The following COMMD2 variants were observed in gnomAD, a reference collection of about 807,000 sequenced individuals.
COMMD2 encodes COMM domain-containing protein 2.
Under a neutral mutation model 22.5 loss-of-function variants are expected in COMMD2, and 25 were observed. The observed-to-expected ratio is 1.11, with a 90% CI of 0.81 to 1.55. COMMD2 has a LOEUF of 1.55. COMMD2 is among the 40% of genes most tolerant of loss of function. The probability of loss-of-function intolerance (pLI) is 0.00; values close to 1 mark genes in which losing one functional copy is unlikely to be tolerated. For synonymous variants in COMMD2, 98 were observed against 91.2 expected, an observed-to-expected ratio of 1.07 and a Z score of -0.42; for missense variants, 223 against 232.9, an observed-to-expected ratio of 0.96 and a Z score of 0.28.
chr3:149,747,831 C>A (rs1716420755), intron 4 of COMMD2, among the ~76,000 whole-genome samples: 1 of 151,656 alleles, frequency 6.6e-6, no homozygotes. Context: ...CACTGTAATC[C>A]CAATTACTCA....
In COMMD2 at chr3:149,741,701, G is replaced by C; in HGVS notation, c.420C>G (p.Leu140=). The C allele has an allele frequency of 4.3e-6, 7 of 1,613,694 alleles. No individual in the cohort carries two copies. Among genetic ancestry groups the C allele is most frequent in the Non-Finnish European group, 4.2e-6 (5 of 1,179,738 alleles). The change falls in exon 5 of 5, where the codon CTC becomes CTG. Residue 140 remains leucine (L), a synonymous_variant. Coordinates refer to ENST00000473414, the MANE Select transcript of COMMD2 (RefSeq NM_016094.4). The part of the protein sequence containing the change: ...RLDVQLASRS[L]RQQIKPAVTI... ...TCACTGCTGGTTTAATCTGTTGCCT[G>C]AGACTTCTACTTGCAAGCTTGATTT...
At chr3:149,747,039 G>A (rs1407134663) in intron 4 of COMMD2, among the ~76,000 whole-genome samples, 1 of 152,176 alleles carries the variant, frequency 6.6e-6, no homozygotes. Context: ...CCCTTGACAA[G>A]AGGGATTATT....
At chr3:149,750,455 T>C in intron 4 of COMMD2, 1 of 537,628 alleles carries the variant, frequency 1.9e-6, no homozygotes, top group Non-Finnish European at 3.4e-6. Flanking sequence ...CCATCTCCTT[T>C]TCGAAAATAA....
chr3:149,741,744 C>T (rs1282281379), intron 4 of COMMD2, 26 bp from the exon 5 acceptor site: 2 of 1,533,570 alleles, frequency 1.3e-6, no homozygotes, highest in Middle Eastern at 3.4e-4. Context: ...AATAAGAGCA[C>T]AGTAACTATT....
chr3:149,751,725 T>C (rs1018515843), intron 2 of COMMD2: 7 of 346,210 alleles, frequency 2.0e-5, no homozygotes, highest in Non-Finnish European at 3.1e-5. Context: ...ATCAGGTGCG[T>C]AGCCCTTCTC....
chr3:149,752,421 C>T lies in COMMD2; in HGVS notation c.24G>A (p.Glu8=), dbSNP rs772723007. Residue 8 remains glutamate, a synonymous_variant, in exon 1 of 5, where the codon GAG becomes GAA. Transcript: ENST00000473414. MLLELSE[E]HKEHLAFLPQ... Reference sequence around the variant, plus strand: ...GCAGGAAGGCCAGGTGTTCCTTATGCTCCTCGGACAATTCCAGCAGCATCT... The same window carrying T: ...GCAGGAAGGCCAGGTGTTCCTTATGTTCCTCGGACAATTCCAGCAGCATCT... 5 of 1,614,046 alleles carry T rather than the reference C, an allele frequency of 3.1e-6. No homozygotes were observed. The highest frequency in any genetic ancestry group is 3.3e-5 in the Admixed American group (2 of 59,992).
rs1716557873 is a variant in COMMD2, at chr3:149,752,362, C to T, written c.67+16G>A. On this transcript the variant is annotated intron_variant, in intron 1 of 4. Coordinates refer to ENST00000473414, the MANE Select transcript of COMMD2 (RefSeq NM_016094.4). The stretch of plus-strand genomic sequence containing the variant: ...TCCTCCCCAGCCCACAGAACACCGC[C>T]CCCACGCCCGCTGACCCGCGCTGTC... The T allele has an allele frequency of 6.2e-7, 1 of 1,614,160 alleles. No homozygotes were observed.
intron 4 of COMMD2, among the ~76,000 whole-genome samples, chr3:149,746,947 T>A (rs1284718575): frequency 1.3e-5 from 2 of 152,078 alleles, no homozygotes; most frequent in Non-Finnish European, 2.9e-5. Context: ...TATAAAACTA[T>A]CAGATCTTGT....
chr3:149,741,398 T>G lies in COMMD2; in HGVS notation c.*123A>C. On this transcript the variant is annotated 3_prime_UTR_variant, in exon 5 of 5. Coordinates refer to ENST00000473414, the MANE Select transcript of COMMD2 (RefSeq NM_016094.4). The stretch of plus-strand genomic sequence containing the variant: ...TGATTATGACCTCAGTATCTTGGAA[T>G]AGATACTGAGGAATACTATGTATTT... 2 of 791,264 alleles carry G rather than the reference T, an allele frequency of 2.5e-6. No individual in the cohort carries two copies. The highest frequency in any genetic ancestry group is 4.1e-6 in the Non-Finnish European group (2 of 490,108). The allele number at this position is 791,264 out of a possible 1,614,324, so 49.0% of individuals were successfully genotyped here.
At position 149,751,106 on chromosome 3, in the gene COMMD2, C is replaced by T. The variant is rs997936766; in HGVS notation, c.229-255G>A. Among the ~76,000 whole-genome samples the T allele has an allele frequency of 5.3e-5, 8 of 152,086 alleles. No homozygotes were observed. The South Asian group carries it at 1.2e-3, about 24-fold the overall frequency. On this transcript the variant is annotated intron_variant, in intron 3 of 4. Coordinates refer to ENST00000473414, the MANE Select transcript of COMMD2 (RefSeq NM_016094.4). ...TTCATCAAGCCAGATACTGCTGATA[C>T]GCAAACAAAATACTGATACAGTCTC...
chr3:149,745,269 C>A (rs1243714909), intron 4 of COMMD2, among the ~76,000 whole-genome samples: 1 of 152,210 alleles, frequency 6.6e-6, no homozygotes, highest in Non-Finnish European at 1.5e-5. Context: ...GCCGTATCTA[C>A]AGCACCTGGC....
rs1252296163 is a variant in COMMD2 at position 149,740,632 on chromosome 3, A to C, written c.*889T>G. ...ACAAAGAAAAATGAATAAACTGCCT[A>C]TAACAATATAGCATTAAAAATCCTA... On this transcript the variant is annotated 3_prime_UTR_variant, in exon 5 of 5. Transcript: ENST00000473414. 1 of 152,246 alleles carries C rather than the reference A, an allele frequency of 6.6e-6. No individual in the cohort carries two copies. Among genetic ancestry groups the C allele is most frequent in the Non-Finnish European group, 1.5e-5 (1 of 68,030 alleles). The allele number at this position is 152,246 out of a possible 1,614,324, so 9.4% of individuals were successfully genotyped here.
intron 4 of COMMD2, among the ~76,000 whole-genome samples, chr3:149,743,569 AC>A (rs1302086056): frequency 6.6e-6 from 1 of 152,162 alleles, no homozygotes; most frequent in East Asian, 1.9e-4. Flanking sequence ...TTCCAAAAGA[AC>A]CCAAGATACT....
chr3:149,749,577 T>C (rs1328913125), intron 4 of COMMD2, among the ~76,000 whole-genome samples: 1 of 152,226 alleles, frequency 6.6e-6, no homozygotes, highest in Non-Finnish European at 1.5e-5. Context: ...CCCCAGGTTA[T>C]TCCAACATGA....
rs769298818 is a variant in COMMD2 at position 149,752,359 on chromosome 3, C to A, written c.67+19G>T. The A allele has an allele frequency of 1.9e-6, 3 of 1,614,088 alleles. No homozygotes were observed. In the Admixed American group the frequency reaches 5.0e-5, roughly 27 times the overall value. The stretch of plus-strand genomic sequence containing the variant: ...ACCTCCTCCCCAGCCCACAGAACAC[C>A]GCCCCCACGCCCGCTGACCCGCGCT... On this transcript the variant is annotated intron_variant, in intron 1 of 4. Transcript: ENST00000473414.
rs556929509 is a variant in COMMD2, at chr3:149,744,096, G to A, written c.403-2378C>T. Among the ~76,000 whole-genome samples the A allele has an allele frequency of 8.6e-5, 13 of 152,046 alleles. No homozygotes were observed. The South Asian group carries it at 2.5e-3, about 29-fold the overall frequency. On this transcript the variant is annotated intron_variant, in intron 4 of 4. Transcript: ENST00000473414. ...CAGTAGCCCACAAAGTTCTTGATAT[G>A]GACTTATTTTTTATTGGGGATGAGA...
In COMMD2 at chr3:149,739,323, A is replaced by T. The variant is rs1716146690; in HGVS notation, c.*2198T>A. The T allele has an allele frequency of 6.6e-6, 1 of 152,182 alleles. No homozygotes were observed. Among genetic ancestry groups the T allele is most frequent in the Non-Finnish European group, 1.5e-5 (1 of 68,016 alleles). 9.4% of individuals were successfully genotyped at this position (152,182 alleles called of 1,614,324 possible). ...AAGGATGTGGAATGTTTGAGCAAAA[A>T]AAAGGAAGAGGCTTATTCAATGGCT... On this transcript the variant is annotated 3_prime_UTR_variant, in exon 5 of 5. Coordinates refer to ENST00000473414, the MANE Select transcript of COMMD2 (RefSeq NM_016094.4).
intron 4 of COMMD2, among the ~76,000 whole-genome samples, chr3:149,749,633 C>T (rs1237326693): frequency 6.6e-6 from 1 of 152,178 alleles, no homozygotes; most frequent in African/African-American, 2.4e-5. Context: ...TTCATATGCT[C>T]ATTTGCATAT....
intron 4 of COMMD2, among the ~76,000 whole-genome samples, chr3:149,745,053 T>A (rs1716329220): frequency 6.6e-6 from 1 of 152,056 alleles, no homozygotes; most frequent in African/African-American, 2.4e-5. Flanking sequence ...ACCCCAAAAG[T>A]CAGGGGACAT....
Sources: allele counts gnomAD v4.1 joint callset (sites outside exome capture counted in the v4.1 genomes callset), GRCh38; gene constraint gnomAD v4.1.1; transcripts MANE v1.5; gene names NCBI Gene and HGNC (gene_info 2026-07-23, HGNC 2026-07-21).